Variants in SLC9A1 observed in about 807,000 individuals in gnomAD.
The protein encoded by SLC9A1 is solute carrier family 9 member A1.
A neutral mutation model predicts 67.9 loss-of-function variants in SLC9A1; 22 were observed. That is an observed-to-expected ratio of 0.32 (90% CI 0.23 to 0.46). The LOEUF (loss-of-function observed/expected upper bound fraction) is 0.46. Ranked by LOEUF, SLC9A1 falls within the 20% of genes least tolerant of loss-of-function variation. The pLI is 1.00. For missense variants in SLC9A1, 686 were observed against 1,094.8 expected, an observed-to-expected ratio of 0.63 and a Z score of 5.27; for synonymous variants, 421 against 471.8, an observed-to-expected ratio of 0.89 and a Z score of 1.40.
chr1:27,154,453 GT>G lies in SLC9A1; in HGVS notation c.-120del. On this transcript the variant is annotated 5_prime_UTR_variant, in exon 1 of 12. Transcript: ENST00000263980. ...GGCGTAGTCTCTAGGAAAAGTTCAT[GT>G]TTTAGAGAGGCATTTCCATGGAAGC... 1.7e-6 allele frequency: 1 copy of G among 597,860 alleles called. No homozygotes were observed. Among genetic ancestry groups the G allele is most frequent in the Non-Finnish European group, 2.8e-6 (1 of 362,456 alleles). 37.0% of individuals were successfully genotyped at this position (597,860 alleles called of 1,614,324 possible).
At chr1:27,131,947 A>AAAAAATATATAT in intron 1 of SLC9A1, among the ~76,000 whole-genome samples, 112 of 52,078 alleles carry the variant, frequency 2.2e-3, no homozygotes, top group East Asian at 0.01. Flanking sequence ...AGAAAAAAAA[A>AAAAAATATATAT]ATATATATAT....
At chr1:27,115,971 C>A (rs1000863945) in intron 1 of SLC9A1, among the ~76,000 whole-genome samples, 3 of 152,160 alleles carry the variant, frequency 2.0e-5, no homozygotes, top group Non-Finnish European at 2.9e-5. Context: ...CTCTTGAGAT[C>A]CTTGGGACAG....
At chr1:27,124,853 G>C (rs79534901) in intron 1 of SLC9A1, among the ~76,000 whole-genome samples, 23 of 152,234 alleles carry the variant, frequency 1.5e-4, no homozygotes, top group East Asian at 1.4e-3. Flanking sequence ...GCCTGGAGTA[G>C]GGCAGAAAAG....
chr1:27,142,030 C>T (rs2083456085), intron 1 of SLC9A1, among the ~76,000 whole-genome samples: 1 of 152,206 alleles, frequency 6.6e-6, no homozygotes, highest in Non-Finnish European at 1.5e-5. Flanking sequence ...TACTTGGCTC[C>T]CCTGTAAGGA....
In SLC9A1 at chr1:27,130,035, C is replaced by T. The variant is rs1040470881; in HGVS notation, c.353-15749G>A. Reference sequence around the variant, plus strand: ...AGCCCTGGTTTATTGCCAGGTCTGTCACTCCTTTGCTGTGTGACCTTGGGC... The same window carrying T: ...AGCCCTGGTTTATTGCCAGGTCTGTTACTCCTTTGCTGTGTGACCTTGGGC... On this transcript the variant is annotated intron_variant, in intron 1 of 11. Transcript: ENST00000263980. Among the ~76,000 whole-genome samples the T allele has an allele frequency of 3.3e-5, 5 of 152,328 alleles. No individual in the cohort carries two copies. In the South Asian group the frequency reaches 6.2e-4, roughly 19 times the overall value.
At chr1:27,120,194 C>T (rs1373366845) in intron 1 of SLC9A1, among the ~76,000 whole-genome samples, 3 of 151,878 alleles carry the variant, frequency 2.0e-5, no homozygotes, top group East Asian at 2.0e-4. Flanking sequence ...GGCGCGATTT[C>T]GGCTCACTAC....
At chr1:27,119,189 C>T (rs762688720) in intron 1 of SLC9A1, among the ~76,000 whole-genome samples, 2 of 152,184 alleles carry the variant, frequency 1.3e-5, no homozygotes, top group Non-Finnish European at 2.9e-5. Flanking sequence ...TCTCCTCGGA[C>T]GGTCCCCATC....
At position 27,098,888 on chromosome 1, in the gene SLC9A1, C is replaced by A. The variant is rs1178114591; in HGVS notation, c.*1419G>T. ...TGTACAGGCAGCAGAGTGGCAGCAGCTGCGGTGGCTTGGTACGTGGTTGTC... is the reference window on the plus strand; with the variant it reads ...TGTACAGGCAGCAGAGTGGCAGCAGATGCGGTGGCTTGGTACGTGGTTGTC... On this transcript the variant is annotated 3_prime_UTR_variant, in exon 12 of 12. Transcript: ENST00000263980. 1 of 152,644 alleles carries A rather than the reference C, an allele frequency of 6.6e-6. No individual in the cohort carries two copies. Among genetic ancestry groups the A allele is most frequent in the Non-Finnish European group, 1.5e-5 (1 of 68,074 alleles). 9.5% of individuals were successfully genotyped at this position (152,644 alleles called of 1,614,324 possible).
intron 1 of SLC9A1, among the ~76,000 whole-genome samples, chr1:27,141,790 T>TGA (rs536878064): frequency 1.2e-4 from 19 of 152,280 alleles, no homozygotes; most frequent in African/African-American, 4.6e-4. Context: ...CCCAGTTAGG[T>TGA]GAGTTGGCCC....
Position 27,101,038 on chromosome 1 carries a change from G to T in SLC9A1, c.2110+165C>A, listed in dbSNP as rs1222128951. 6.6e-6 allele frequency among the ~76,000 whole-genome samples: 1 copy of T among 152,208 alleles called. No individual in the cohort carries two copies. Among genetic ancestry groups the T allele is most frequent in the Non-Finnish European group, 1.5e-5 (1 of 68,022 alleles). ...CGCCCGGAACGTCTCTCTCCCTAGGGATGGCCCCTGACGTAGAAGCAGCTC... is the reference window on the plus strand; with the variant it reads ...CGCCCGGAACGTCTCTCTCCCTAGGTATGGCCCCTGACGTAGAAGCAGCTC... On this transcript the variant is annotated intron_variant, in intron 11 of 11. Transcript: ENST00000263980. This position sits in a 1 kb window ranked among gnomAD's most constrained non-coding sequence, Gnocchi z 4.9.
chr1:27,133,100 C>T (rs2083397128), intron 1 of SLC9A1, among the ~76,000 whole-genome samples: 1 of 151,706 alleles, frequency 6.6e-6, no homozygotes, highest in Non-Finnish European at 1.5e-5. Flanking sequence ...CGGAGTCTCA[C>T]TCTCTTGCCC....
intron 1 of SLC9A1, among the ~76,000 whole-genome samples, chr1:27,115,694 G>A (rs990608226): frequency 6.6e-6 from 1 of 151,680 alleles, no homozygotes; most frequent in South Asian, 2.1e-4. Flanking sequence ...GTCTCAGCTA[G>A]TTAGGAGGGC....
intron 8 of SLC9A1, 117 bp from the exon 9 acceptor site, chr1:27,102,247 T>C: frequency 7.5e-7 from 1 of 1,331,422 alleles, no homozygotes; most frequent in Non-Finnish European, 1.1e-6. Flanking sequence ...AAGCCTCAGG[T>C]CCTTGGTGCG....
At chr1:27,117,283 G>A (rs746363179) in intron 1 of SLC9A1, among the ~76,000 whole-genome samples, 8 of 152,202 alleles carry the variant, frequency 5.3e-5, no homozygotes, top group African/African-American at 1.7e-4. Context: ...TCCCAAGGCC[G>A]GAAGTCCAGC....
intron 1 of SLC9A1, among the ~76,000 whole-genome samples, chr1:27,131,947 A>AAAAAAAATATATATATATATAT: frequency 1.9e-5 from 1 of 52,122 alleles, no homozygotes; most frequent in East Asian, 1.1e-3. Context: ...AGAAAAAAAA[A>AAAAAAAATATATATATATATAT]ATATATATAT....
chr1:27,109,413 T>C lies in SLC9A1; in HGVS notation c.1064+114A>G. ...GAGCCTGGAGTTCATGTCTCATCCC[T>C]GGAGCTCAAGGCTGGGCCCTGGGAG... On this transcript the variant is annotated intron_variant, in intron 3 of 11. Coordinates refer to ENST00000263980, the MANE Select transcript of SLC9A1 (RefSeq NM_003047.5). The surrounding 1 kb of genome is among the most constrained non-coding windows in gnomAD (Gnocchi z 5.5). 8.6e-7 allele frequency: 1 copy of C among 1,156,530 alleles called. No homozygotes were observed. The highest frequency in any genetic ancestry group is 1.3e-6 in the Non-Finnish European group (1 of 797,042). The allele number at this position is 1,156,530 out of a possible 1,614,324, so 71.6% of individuals were successfully genotyped here. A position where few individuals can be genotyped will look rare whatever the true frequency, so the allele number is the denominator to read the frequency against.
rs2083137943 is a variant in SLC9A1, at chr1:27,100,872, C to T, written c.2111-228G>A. On this transcript the variant is annotated intron_variant, in intron 11 of 11. Coordinates refer to ENST00000263980, the MANE Select transcript of SLC9A1 (RefSeq NM_003047.5). The surrounding 1 kb of genome is among the most constrained non-coding windows in gnomAD (Gnocchi z 5.6). Reference sequence around the variant, plus strand: ...CTCCCAGAGGTGTCCCTCCACAGGCCAAGGCCTGGGGCTCCTCCCTGAGTC... The same window carrying T: ...CTCCCAGAGGTGTCCCTCCACAGGCTAAGGCCTGGGGCTCCTCCCTGAGTC... Among the ~76,000 whole-genome samples the T allele has an allele frequency of 6.6e-6, 1 of 152,244 alleles. No homozygotes were observed.
chr1:27,142,494 G>A (rs2083458752), intron 1 of SLC9A1, among the ~76,000 whole-genome samples: 1 of 152,198 alleles, frequency 6.6e-6, no homozygotes, highest in Non-Finnish European at 1.5e-5. Context: ...AACAGCAGAG[G>A]CCAGTCAGGG....
At chr1:27,124,615 C>T (rs1049531904) in intron 1 of SLC9A1, among the ~76,000 whole-genome samples, 4 of 152,204 alleles carry the variant, frequency 2.6e-5, no homozygotes, top group Non-Finnish European at 5.9e-5. Flanking sequence ...AAAACACAGG[C>T]GGCACTGGCT....
Sources: allele counts gnomAD v4.1 joint callset (sites outside exome capture counted in the v4.1 genomes callset), GRCh38; gene constraint gnomAD v4.1.1; non-coding constraint Gnocchi (gnomAD v3.1); transcripts MANE v1.5; gene names NCBI Gene and HGNC (gene_info 2026-07-23, HGNC 2026-07-21).